ZNF92: variants seen among roughly 807,000 people sequenced by gnomAD.
ZNF92 encodes the protein zinc finger protein 92, also known as epididymis luminal protein 203.
A neutral mutation model predicts 12.4 loss-of-function variants in ZNF92; 11 were observed. That is an observed-to-expected ratio of 0.89 (90% CI 0.56 to 1.47). ZNF92 has a LOEUF of 1.47. ZNF92 is among the 40% of genes most tolerant of loss of function. The pLI is 0.00. For missense variants in ZNF92, 622 were observed against 681.0 expected, an observed-to-expected ratio of 0.91 and a Z score of 0.96; for synonymous variants, 206 against 228.6, an observed-to-expected ratio of 0.90 and a Z score of 0.89.
At chr7:65,377,386 G>A (rs1793272206) in intron 1 of ZNF92, among the ~76,000 whole-genome samples, 1 of 151,986 alleles carries the variant, frequency 6.6e-6, no homozygotes, top group Non-Finnish European at 1.5e-5. Flanking sequence ...TCTTTATACT[G>A]AGAGAAGCTA....
At chr7:65,388,179 T>A (rs11979359) in intron 2 of ZNF92, 151 bp downstream of exon 2, 2 of 767,620 alleles carry the variant, frequency 2.6e-6, no homozygotes, top group African/African-American at 3.7e-5. Context: ...AGAAAAGAAC[T>A]TCTTCAAGAT....
In ZNF92 at chr7:65,399,142, G is replaced by A; in HGVS notation, c.1028G>A (p.Cys343Tyr). The A allele has an allele frequency of 6.2e-7, 1 of 1,613,366 alleles. No individual in the cohort carries two copies. Among genetic ancestry groups the A allele is most frequent in the East Asian group, 2.2e-5 (1 of 44,806 alleles). Residue 343 changes from cysteine (C) to tyrosine (Y), a missense_variant, in exon 4 of 4, where the codon TGT becomes TAT. Cys to Tyr is a radical substitution (Grantham distance 194). Coordinates refer to ENST00000328747, the MANE Select transcript of ZNF92 (RefSeq NM_152626.4). Reference protein sequence around the residue: ...IIHTGEKPYKCEECGKAFNQF... With the variant: ...IIHTGEKPYKYEECGKAFNQF... Reference sequence around the variant, plus strand: ...CATACTGGGGAAAAACCATACAAATGTGAAGAATGTGGCAAAGCCTTTAAC... The same window carrying A: ...CATACTGGGGAAAAACCATACAAATATGAAGAATGTGGCAAAGCCTTTAAC...
At position 65,399,629 on chromosome 7, in the gene ZNF92, A is replaced by G; in HGVS notation, c.1515A>G (p.Glu505=). ...IFTKHKIIHT[E]GKSYKCEKCG... ...CTAAACATAAGATAATTCACACTGA[A>G]GGGAAATCCTACAAATGTGAAAAAT... Residue 505 remains glutamate (E), a synonymous_variant, in exon 4 of 4, where the codon GAA becomes GAG. Transcript: ENST00000328747. 6.2e-7 allele frequency: 1 copy of G among 1,613,778 alleles called. No homozygotes were observed. The highest frequency in any genetic ancestry group is 8.5e-7 in the Non-Finnish European group (1 of 1,179,796).
intron 1 of ZNF92, among the ~76,000 whole-genome samples, chr7:65,381,124 C>T (rs1199862345): frequency 2.0e-5 from 3 of 151,954 alleles, no homozygotes; most frequent in African/African-American, 4.8e-5. Context: ...AGCAATTCTC[C>T]CTCAGCCTCC....
intron 3 of ZNF92, among the ~76,000 whole-genome samples, chr7:65,395,485 A>G (rs576401916): frequency 3.9e-5 from 6 of 152,228 alleles, no homozygotes; most frequent in African/African-American, 1.4e-4. Context: ...TTGGTCTATG[A>G]TATTGTTTGG....
chr7:65,400,012 G>A lies in ZNF92; in HGVS notation c.*137G>A. The A allele has an allele frequency of 1.3e-6, 1 of 767,334 alleles. No individual in the cohort carries two copies. The highest frequency in any genetic ancestry group is 1.9e-6 in the Non-Finnish European group (1 of 515,988). 47.5% of individuals were successfully genotyped at this position (767,334 alleles called of 1,614,324 possible). On this transcript the variant is annotated 3_prime_UTR_variant, in exon 4 of 4. Transcript: ENST00000328747. ...ATTGTAGGTAAGATAATTTATATTG[G>A]AGAAAAATCCTCCAAGTATGAAGAA...
chr7:65,388,728 C>G lies in ZNF92; in HGVS notation c.131-78C>G, dbSNP rs772474914. 6 of 1,172,300 alleles carry G rather than the reference C, an allele frequency of 5.1e-6. No individual in the cohort carries two copies. In the African/African-American group the frequency reaches 9.5e-5, roughly 19 times the overall value. 72.6% of individuals were successfully genotyped at this position (1,172,300 alleles called of 1,614,324 possible). ...ATTTACTAGATTAATCTATTGCATC[C>G]TCTTTACTGAGCATATTACTATGTT... On this transcript the variant is annotated intron_variant, in intron 2 of 3. Coordinates refer to ENST00000328747, the MANE Select transcript of ZNF92 (RefSeq NM_152626.4).
At chr7:65,389,223 G>A (rs1386514371) in intron 3 of ZNF92, among the ~76,000 whole-genome samples, 1 of 152,016 alleles carries the variant, frequency 6.6e-6, no homozygotes, top group Non-Finnish European at 1.5e-5. Context: ...CCTTCCAAAA[G>A]TGCTGGGATT....
intron 3 of ZNF92, among the ~76,000 whole-genome samples, chr7:65,391,626 C>T (rs1360683059): frequency 2.0e-5 from 3 of 152,016 alleles, no homozygotes; most frequent in Non-Finnish European, 4.4e-5. Flanking sequence ...CCATATTCAG[C>T]AAAATAAAAA....
At chr7:65,393,223 AGT>A (rs1793763219) in intron 3 of ZNF92, among the ~76,000 whole-genome samples, 2 of 152,138 alleles carry the variant, frequency 1.3e-5, no homozygotes, top group African/African-American at 2.4e-5. Flanking sequence ...TATTTTTATG[AGT>A]GTGACTGTTT....
chr7:65,393,841 TTA>T lies in ZNF92; in HGVS notation c.227-4496_227-4495del, dbSNP rs536487367. 6.6e-4 allele frequency among the ~76,000 whole-genome samples: 101 copies of T among 152,178 alleles called. 1 individual carries two copies. Among genetic ancestry groups the T allele is most frequent in the African/African-American group, 2.3e-3 (96 of 41,540 alleles). On this transcript the variant is annotated intron_variant, in intron 3 of 3. Transcript: ENST00000328747. ...ATTTAAAATTCAATATTATTGAACT[TTA>T]TATGATACTTTATATGATAAACTTT...
intron 1 of ZNF92, among the ~76,000 whole-genome samples, chr7:65,386,038 G>C (rs1205272726): frequency 6.6e-6 from 1 of 151,620 alleles, no homozygotes; most frequent in African/African-American, 2.4e-5. Context: ...ATTTATTTTT[G>C]AGAAGGAATC....
intron 3 of ZNF92, among the ~76,000 whole-genome samples, chr7:65,393,324 T>C (rs1793768039): frequency 6.6e-6 from 1 of 152,146 alleles, no homozygotes; most frequent in South Asian, 2.1e-4. Context: ...AAGTTTATCT[T>C]AAAATGTGAC....
intron 3 of ZNF92, among the ~76,000 whole-genome samples, 183 bp downstream of exon 3, chr7:65,389,084 C>G (rs1284802677): frequency 6.6e-6 from 1 of 151,896 alleles, no homozygotes; most frequent in African/African-American, 2.4e-5. Flanking sequence ...TTCAGCCTCC[C>G]GAGTAGCTGG....
chr7:65,395,337 A>G (rs1793818827), intron 3 of ZNF92, among the ~76,000 whole-genome samples: 1 of 152,134 alleles, frequency 6.6e-6, no homozygotes, highest in South Asian at 2.1e-4. Context: ...TATAGGCATG[A>G]GCCCCTGCAC....
At chr7:65,376,366 A>G (rs1793238440) in intron 1 of ZNF92, among the ~76,000 whole-genome samples, 1 of 152,114 alleles carries the variant, frequency 6.6e-6, no homozygotes, top group African/African-American at 2.4e-5. Context: ...GAAAAAATTA[A>G]TATCTAATCA....
chr7:65,374,136 C>CG, intron 1 of ZNF92, 136 bp downstream of exon 1: 1 of 1,253,118 alleles, frequency 8.0e-7, no homozygotes. Flanking sequence ...TGGCGCAGCT[C>CG]GGCCCTCAGT....
intron 1 of ZNF92, among the ~76,000 whole-genome samples, chr7:65,384,839 G>A (rs553359921): frequency 1.5e-4 from 23 of 151,464 alleles, no homozygotes; most frequent in South Asian, 4.2e-4. Flanking sequence ...ATTAAATCAC[G>A]TAATGTTTTA....
chr7:65,390,365 G>A (rs890515875), intron 3 of ZNF92, among the ~76,000 whole-genome samples: 1 of 152,098 alleles, frequency 6.6e-6, no homozygotes, highest in Non-Finnish European at 1.5e-5. Context: ...TTGCATTGGT[G>A]TCTGTAAATT....
Sources: gnomAD v4.1 joint callset for allele counts (sites outside exome capture counted in the v4.1 genomes callset) on GRCh38, gnomAD v4.1.1 for gene constraint, MANE v1.5 for transcripts, NCBI Gene and HGNC (gene_info 2026-07-23, HGNC 2026-07-21) for gene names.